The following RNF145 variants were observed in gnomAD, a reference collection of about 807,000 sequenced individuals.
RNF145 encodes the protein ring finger protein 145.
In RNF145, 12 loss-of-function variants were observed where a neutral mutation model predicts 57.3. That is an observed-to-expected ratio of 0.21 (90% CI 0.13 to 0.34). The LOEUF (loss-of-function observed/expected upper bound fraction) is 0.34, where lower values mean the gene tolerates loss of function less well. Among genes scored for constraint, RNF145 ranks in the 10% least tolerant of loss-of-function variants. The probability of loss-of-function intolerance (pLI) is 1.00; values close to 1 mark genes in which losing one functional copy is unlikely to be tolerated. For missense variants in RNF145, 429 were observed against 799.0 expected (o/e 0.54, Z 5.58); for synonymous variants, 262 against 288.3 (o/e 0.91, Z 0.92).
intron 2 of RNF145, among the ~76,000 whole-genome samples, chr5:159,196,425 T>A (rs1785463806): frequency 6.6e-6 from 1 of 152,190 alleles, no homozygotes; most frequent in African/African-American, 2.4e-5. Context: ...GCTCTAAAAG[T>A]TATGAACCTG....
At chr5:159,164,891 G>GCAA (rs1164045473) in intron 8 of RNF145, among the ~76,000 whole-genome samples, 1 of 152,140 alleles carries the variant, frequency 6.6e-6, no homozygotes, top group African/African-American at 2.4e-5. Flanking sequence ...TACAGTTCAA[G>GCAA]CAACTCCAAA....
At chr5:159,160,482 T>C (rs546861525) in intron 10 of RNF145, among the ~76,000 whole-genome samples, 13 of 152,280 alleles carry the variant, frequency 8.5e-5, no homozygotes, top group South Asian at 2.1e-4. Flanking sequence ...ACACTATCTA[T>C]AGTTTTATTC....
chr5:159,193,026 G>A (rs2113205852), intron 3 of RNF145, among the ~76,000 whole-genome samples: 1 of 152,340 alleles, frequency 6.6e-6, no homozygotes, highest in Middle Eastern at 3.4e-3. Context: ...GAGGTGTGGG[G>A]GCTGGTGGTA....
intron 3 of RNF145, among the ~76,000 whole-genome samples, chr5:159,188,304 G>A (rs111434175): frequency 0.12 from 18,123 of 151,662 alleles, 1,416 homozygotes; most frequent in South Asian, 0.2. Flanking sequence ...GGAGAATGGC[G>A]TGAACCCAGG....
intron 3 of RNF145, among the ~76,000 whole-genome samples, chr5:159,191,343 T>C (rs576457635): frequency 1.3e-5 from 2 of 152,310 alleles, no homozygotes; most frequent in East Asian, 1.9e-4. Flanking sequence ...TGTGAAAACA[T>C]GGATTCAAGT....
intron 6 of RNF145, 49 bp downstream of exon 6, chr5:159,173,933 GT>G (rs1256911533): frequency 7.8e-7 from 1 of 1,276,040 alleles, no homozygotes. Flanking sequence ...CTAGATCAAA[GT>G]TTTCTCTTTC....
rs1024021716 is a variant in RNF145, at chr5:159,203,498, T to G, written c.120A>C (p.Arg40Ser). 6.2e-7 allele frequency: 1 copy of G among 1,614,138 alleles called. No individual in the cohort carries two copies. The highest frequency in any genetic ancestry group is 8.5e-7 in the Non-Finnish European group (1 of 1,180,004). The change falls in exon 2 of 11, where the codon AGA (arginine) becomes AGC (serine). Residue 40 changes from arginine to serine, a missense_variant. Physicochemically the swap from Arg to Ser is moderately radical, Grantham distance 110 (BLOSUM62 -1). This residue lies in a region of RNF145 where 109 missense variants were observed against 207.2 expected (regional missense o/e 0.53). Coordinates refer to ENST00000424310, the MANE Select transcript of RNF145 (RefSeq NM_001199383.2). ...AAAGAGGGTTATTACTAAGGCTACTTCTTTGGATCTGCTGGAAAAAGGAGC... is the reference window on the plus strand; with the variant it reads ...AAAGAGGGTTATTACTAAGGCTACTGCTTTGGATCTGCTGGAAAAAGGAGC... ...DVSSFFQQIQ[R>S]SSLSNNPLFQ...
chr5:159,191,520 C>T (rs561750215), intron 3 of RNF145, among the ~76,000 whole-genome samples: 2 of 152,158 alleles, frequency 1.3e-5, no homozygotes, highest in South Asian at 2.1e-4. Flanking sequence ...AGGCTGGACA[C>T]GATGGTTCGT....
chr5:159,199,813 C>A (rs540756986), intron 2 of RNF145, among the ~76,000 whole-genome samples: 2 of 152,262 alleles, frequency 1.3e-5, no homozygotes, highest in South Asian at 4.1e-4. Flanking sequence ...TACTTCTACT[C>A]CTCCTTTCAT....
chr5:159,209,355 C>T lies in RNF145; in HGVS notation c.-164G>A. 1.0e-6 allele frequency: 1 copy of T among 986,218 alleles called. No homozygotes were observed. The highest frequency in any genetic ancestry group is 1.2e-6 in the Non-Finnish European group (1 of 830,182). The allele number at this position is 986,218 out of a possible 1,614,324, so 61.1% of individuals were successfully genotyped here. A position where few individuals can be genotyped will look rare whatever the true frequency, so the allele number is the denominator to read the frequency against. ...CGGCGGGGGCCGGTACGGCACGGCTCACAGCGGCGGCTCTTCTGCGCCGAG... is the reference window on the plus strand; with the variant it reads ...CGGCGGGGGCCGGTACGGCACGGCTTACAGCGGCGGCTCTTCTGCGCCGAG... On this transcript the variant is annotated 5_prime_UTR_variant, in exon 1 of 11. An upstream open reading frame in the 5' UTR loses its in-frame stop. Coordinates refer to ENST00000424310, the MANE Select transcript of RNF145 (RefSeq NM_001199383.2).
chr5:159,205,172 T>G (rs1022334876), intron 1 of RNF145, among the ~76,000 whole-genome samples: 1 of 152,176 alleles, frequency 6.6e-6, no homozygotes, highest in Non-Finnish European at 1.5e-5. Context: ...AACCCAAATG[T>G]TTTATATATA....
At chr5:159,198,097 C>G (rs777887058) in intron 2 of RNF145, among the ~76,000 whole-genome samples, 15 of 151,876 alleles carry the variant, frequency 9.9e-5, no homozygotes, top group Non-Finnish European at 1.8e-4. Flanking sequence ...AAAAAATTAG[C>G]CAGGTGTGGT....
chr5:159,181,206 G>A (rs1285763463), intron 4 of RNF145, among the ~76,000 whole-genome samples: 1 of 151,494 alleles, frequency 6.6e-6, no homozygotes. Context: ...GTTCCAGGGT[G>A]AGTCAGACAC....
At chr5:159,209,707 C>A, upstream of RNF145, 1 of 1,067,026 alleles carries the variant, frequency 9.4e-7, no homozygotes, top group Non-Finnish European at 1.3e-6. Flanking sequence ...ATAAGCCTAG[C>A]CAAGCCCATA....
At chr5:159,185,296 T>C (rs1290136890) in intron 3 of RNF145, among the ~76,000 whole-genome samples, 1 of 152,122 alleles carries the variant, frequency 6.6e-6, no homozygotes, top group African/African-American at 2.4e-5. Context: ...GTAGTTTTGG[T>C]GACAGCTAAA....
At chr5:159,202,738 TATACATTACAA>T (rs1281959457) in intron 2 of RNF145, among the ~76,000 whole-genome samples, 1 of 152,208 alleles carries the variant, frequency 6.6e-6, no homozygotes, top group Non-Finnish European at 1.5e-5. Context: ...TATATTGCTA[TATACATTACAA>T]ATAAACCAAA....
chr5:159,180,491 A>G (rs1446923391), intron 4 of RNF145, among the ~76,000 whole-genome samples: 1 of 152,110 alleles, frequency 6.6e-6, no homozygotes, highest in Non-Finnish European at 1.5e-5. Flanking sequence ...CCTGTATCAG[A>G]AGATACAGGA....
intron 1 of RNF145, among the ~76,000 whole-genome samples, chr5:159,205,216 T>C (rs1186852943): frequency 3.3e-5 from 5 of 152,216 alleles, no homozygotes; most frequent in Non-Finnish European, 7.4e-5. Context: ...AACATTTTTA[T>C]AGATAAGTAC....
chr5:159,169,759 A>G lies in RNF145; in HGVS notation c.858T>C (p.Phe286=). ...AGAGTGTGAGAACACCCAAGGCAAC[A>G]AAAGAAACCGTGAAGACCAAACCCA... is the stretch of plus-strand genomic sequence containing the variant. ...SLLGLVFTVS[F]VALGVLTLCK... Residue 286 remains phenylalanine (F), a synonymous_variant, in exon 7 of 11, where the codon TTT becomes TTC. Transcript: ENST00000424310. 2 of 1,613,582 alleles carry G rather than the reference A, an allele frequency of 1.2e-6. No homozygotes were observed. Among genetic ancestry groups the G allele is most frequent in the Non-Finnish European group, 1.7e-6 (2 of 1,179,684 alleles).
Sources: gnomAD v4.1 joint callset for allele counts (sites outside exome capture counted in the v4.1 genomes callset) on GRCh38, gnomAD v4.1.1 for gene constraint, gnomAD v4.1.1 regional missense constraint, MANE v1.5 for transcripts, NCBI Gene and HGNC (gene_info 2026-07-23, HGNC 2026-07-21) for gene names.